Variants in HSBP1 observed in about 807,000 individuals in gnomAD.
HSBP1 encodes heat shock factor-binding protein 1.
A neutral mutation model predicts 9.6 loss-of-function variants in HSBP1; 5 were observed. The ratio of observed to expected loss-of-function variants is 0.52; its 90% CI spans 0.27 to 1.09. HSBP1 has a LOEUF of 1.09. Ranked by LOEUF, HSBP1 falls within the 50% of genes least tolerant of loss-of-function variation. The pLI, the probability that HSBP1 is intolerant of heterozygous loss-of-function variation, is 0.11. For missense variants in HSBP1, 121 were observed against 96.3 expected (o/e 1.26, Z -1.07); for synonymous variants, 42 against 33.3 (o/e 1.26, Z -0.90).
Position 83,809,437 on chromosome 16 carries a change from G to A in HSBP1, c.*2+12G>A, listed in dbSNP as rs1448765861. ...CAAAAGAGTTGAAGGTGAGGAAGGG[G>A]GCAATTTTTTTTTTCTTTTCTTTTC... On this transcript the variant is annotated intron_variant, in intron 3 of 3. Coordinates refer to ENST00000433866, the MANE Select transcript of HSBP1 (RefSeq NM_001537.4). 6 of 1,349,982 alleles carry A rather than the reference G, an allele frequency of 4.4e-6. No individual in the cohort carries two copies. The Admixed American group carries it at 1.3e-4, about 29-fold the overall frequency. 83.6% of individuals were successfully genotyped at this position (1,349,982 alleles called of 1,614,324 possible).
Position 83,811,978 on chromosome 16 carries a change from A to G in HSBP1, c.*560A>G, listed in dbSNP as rs1904611159. ...CTGCTCTGTTGCCAAAACTCAGAATAGAACTTAGACGTATGTCTGAGTCCC... is the reference window on the plus strand; with the variant it reads ...CTGCTCTGTTGCCAAAACTCAGAATGGAACTTAGACGTATGTCTGAGTCCC... On this transcript the variant is annotated 3_prime_UTR_variant, in exon 4 of 4. Transcript: ENST00000433866. The G allele has an allele frequency of 6.5e-6, 1 of 152,694 alleles. No homozygotes were observed. Among genetic ancestry groups the G allele is most frequent in the African/African-American group, 2.4e-5 (1 of 41,476 alleles). The allele number at this position is 152,694 out of a possible 1,614,324, so 9.5% of individuals were successfully genotyped here.
Position 83,813,437 on chromosome 16 carries a change from A to C in HSBP1, c.*2019A>C, listed in dbSNP as rs549173142. On this transcript the variant is annotated 3_prime_UTR_variant, in exon 4 of 4. Coordinates refer to ENST00000433866, the MANE Select transcript of HSBP1 (RefSeq NM_001537.4). ...CAGTCATAGCTCACTTGGAGCCTGA[A>C]GCTCCTGGGCTCAGGCAGTCCTCCT... The C allele has an allele frequency of 6.6e-6, 1 of 152,454 alleles. No individual in the cohort carries two copies. The highest frequency in any genetic ancestry group is 1.5e-5 in the Non-Finnish European group (1 of 68,208). The allele number at this position is 152,454 out of a possible 1,614,324, so 9.4% of individuals were successfully genotyped here.
chr16:83,819,106 T>G lies in HSBP1; in HGVS notation c.*7688T>G, dbSNP rs1904783501. On this transcript the variant is annotated 3_prime_UTR_variant, in exon 4 of 4. Coordinates refer to ENST00000433866, the MANE Select transcript of HSBP1 (RefSeq NM_001537.4). ...GGGCATCAACCTTGGGGCGAGGGTG[T>G]TGGGTTGCCCAACACCCTTTAGTCT... The G allele has an allele frequency of 6.6e-6, 1 of 151,818 alleles. No individual in the cohort carries two copies. The highest frequency in any genetic ancestry group is 6.6e-5 in the Admixed American group (1 of 15,266). The allele number at this position is 151,818 out of a possible 1,614,324, so 9.4% of individuals were successfully genotyped here.
In HSBP1 at chr16:83,818,231, A is replaced by C. The variant is rs1240221943; in HGVS notation, c.*6813A>C. On this transcript the variant is annotated 3_prime_UTR_variant, in exon 4 of 4. Coordinates refer to ENST00000433866, the MANE Select transcript of HSBP1 (RefSeq NM_001537.4). Reference sequence around the variant, plus strand: ...AGCATCCTCAGAAGGAGATGCGAGGAAGATTCTTTTCCTGGGCCACTCTCA... The same window carrying C: ...AGCATCCTCAGAAGGAGATGCGAGGCAGATTCTTTTCCTGGGCCACTCTCA... 1 of 152,130 alleles carries C rather than the reference A, an allele frequency of 6.6e-6. No individual in the cohort carries two copies. The highest frequency in any genetic ancestry group is 1.5e-5 in the Non-Finnish European group (1 of 68,030). The allele number at this position is 152,130 out of a possible 1,614,324, so 9.4% of individuals were successfully genotyped here.
At chr16:83,809,034 C>A in intron 2 of HSBP1, 1 of 552,694 alleles carries the variant, frequency 1.8e-6, no homozygotes, top group East Asian at 2.9e-5. Context: ...CTCAGCATGA[C>A]CTTATGAGTG....
rs77129424 is a variant in HSBP1 at position 83,813,300 on chromosome 16, A to G, written c.*1882A>G. 0.017 allele frequency: 2,568 copies of G among 152,366 alleles called. 35 individuals are homozygous for G. Among genetic ancestry groups the G allele is most frequent in the Non-Finnish European group, 0.022 (1,528 of 68,058 alleles). The allele number at this position is 152,366 out of a possible 1,614,324, so 9.4% of individuals were successfully genotyped here. A position where few individuals can be genotyped will look rare whatever the true frequency, so the allele number is the denominator to read the frequency against. The stretch of plus-strand genomic sequence containing the variant: ...AGACGACATTCTGTGAACCTCATGA[A>G]GAAATTAGCATATTAAAGACTCTGA... On this transcript the variant is annotated 3_prime_UTR_variant, in exon 4 of 4. Transcript: ENST00000433866.
In HSBP1 at chr16:83,817,782, A is replaced by C. The variant is rs889843368; in HGVS notation, c.*6364A>C. The C allele has an allele frequency of 6.6e-6, 1 of 152,232 alleles. No homozygotes were observed. Among genetic ancestry groups the C allele is most frequent in the Admixed American group, 6.5e-5 (1 of 15,288 alleles). 9.4% of individuals were successfully genotyped at this position (152,232 alleles called of 1,614,324 possible). On this transcript the variant is annotated 3_prime_UTR_variant, in exon 4 of 4. Transcript: ENST00000433866. ...GTAAATAATATGGCTGTTTCTTTTA[A>C]CAGTGCATTCTCCTGAAAACATAAG...
chr16:83,815,651 T>C lies in HSBP1; in HGVS notation c.*4233T>C, dbSNP rs1392135552. The C allele has an allele frequency of 6.6e-6, 1 of 152,100 alleles. No homozygotes were observed. Among genetic ancestry groups the C allele is most frequent in the Non-Finnish European group, 1.5e-5 (1 of 68,010 alleles). 9.4% of individuals were successfully genotyped at this position (152,100 alleles called of 1,614,324 possible). A position where few individuals can be genotyped will look rare whatever the true frequency, so the allele number is the denominator to read the frequency against. On this transcript the variant is annotated 3_prime_UTR_variant, in exon 4 of 4. Coordinates refer to ENST00000433866, the MANE Select transcript of HSBP1 (RefSeq NM_001537.4). ...CTGTACAACATCAGCCTCTGTGGGATCCCTGAGAATGATGAAATGTAATAT... is the reference window on the plus strand; with the variant it reads ...CTGTACAACATCAGCCTCTGTGGGACCCCTGAGAATGATGAAATGTAATAT...
rs905354461 is a variant in HSBP1, at chr16:83,808,115, C to T, written c.39C>T (p.Thr13=). The T allele has an allele frequency of 1.3e-6, 2 of 1,546,810 alleles. No individual in the cohort carries two copies. Among genetic ancestry groups the T allele is most frequent in the South Asian group, 1.2e-5 (1 of 84,014 alleles). Residue 13 remains threonine, a synonymous_variant, in exon 1 of 4, where the codon ACC becomes ACT. Coordinates refer to ENST00000433866, the MANE Select transcript of HSBP1 (RefSeq NM_001537.4). The part of the protein sequence containing the change: ...ETDPKTVQDL[T]SVVQTLLQQM... The stretch of plus-strand genomic sequence containing the variant: ...ACCCCAAGACCGTGCAGGACCTCAC[C>T]TCGGTGGTAAGGGACGGCTGTGAGG...
chr16:83,814,973 G>C lies in HSBP1; in HGVS notation c.*3555G>C, dbSNP rs1904686127. ...AAAAGACACCCCCCCGCCACTCCGT[G>C]ACCTATTAGCTTACCATCCTATTGG... On this transcript the variant is annotated 3_prime_UTR_variant, in exon 4 of 4. Transcript: ENST00000433866. 1 of 152,062 alleles carries C rather than the reference G, an allele frequency of 6.6e-6. No homozygotes were observed. The highest frequency in any genetic ancestry group is 2.4e-5 in the African/African-American group (1 of 41,408). The allele number at this position is 152,062 out of a possible 1,614,324, so 9.4% of individuals were successfully genotyped here.
At position 83,818,233 on chromosome 16, in the gene HSBP1, G is replaced by C. The variant is rs1340302860; in HGVS notation, c.*6815G>C. 1 of 152,180 alleles carries C rather than the reference G, an allele frequency of 6.6e-6. No homozygotes were observed. Among genetic ancestry groups the C allele is most frequent in the Non-Finnish European group, 1.5e-5 (1 of 68,042 alleles). 9.4% of individuals were successfully genotyped at this position (152,180 alleles called of 1,614,324 possible). ...CATCCTCAGAAGGAGATGCGAGGAA[G>C]ATTCTTTTCCTGGGCCACTCTCATT... On this transcript the variant is annotated 3_prime_UTR_variant, in exon 4 of 4. Coordinates refer to ENST00000433866, the MANE Select transcript of HSBP1 (RefSeq NM_001537.4).
Position 83,808,780 on chromosome 16 carries a change from G to A in HSBP1, c.112+34G>A, listed in dbSNP as rs749117599. On this transcript the variant is annotated intron_variant, in intron 2 of 3. Coordinates refer to ENST00000433866, the MANE Select transcript of HSBP1 (RefSeq NM_001537.4). Reference sequence around the variant, plus strand: ...TTTATCTGCAGTCGGCCTCCTGTGGGCCTTTGGAGCCTATTTGCCGGGCAG... The same window carrying A: ...TTTATCTGCAGTCGGCCTCCTGTGGACCTTTGGAGCCTATTTGCCGGGCAG... 4.0e-6 allele frequency: 6 copies of A among 1,509,078 alleles called. No individual in the cohort carries two copies. The East Asian group carries it at 1.4e-4, about 35-fold the overall frequency. The allele number at this position is 1,509,078 out of a possible 1,614,324, so 93.5% of individuals were successfully genotyped here. A position where few individuals can be genotyped will look rare whatever the true frequency, so the allele number is the denominator to read the frequency against.
chr16:83,810,413 A>C (rs563996774), intron 3 of HSBP1, among the ~76,000 whole-genome samples: 1 of 151,704 alleles, frequency 6.6e-6, no homozygotes, highest in East Asian at 1.9e-4. Flanking sequence ...TGTTTCATTT[A>C]TAACATTTTA....
chr16:83,812,108 T>C lies in HSBP1; in HGVS notation c.*690T>C, dbSNP rs1904613777. On this transcript the variant is annotated 3_prime_UTR_variant, in exon 4 of 4. Transcript: ENST00000433866. ...AGAATAGCCTTCTGTAATGAGGCGT[T>C]TGTTAGAGTTTTGCATGAGATTCTA... 2.0e-5 allele frequency: 3 copies of C among 152,646 alleles called. No individual in the cohort carries two copies. Among genetic ancestry groups the C allele is most frequent in the African/African-American group, 7.2e-5 (3 of 41,472 alleles). The allele number at this position is 152,646 out of a possible 1,614,324, so 9.5% of individuals were successfully genotyped here. A position where few individuals can be genotyped will look rare whatever the true frequency, so the allele number is the denominator to read the frequency against.
At position 83,819,021 on chromosome 16, in the gene HSBP1, G is replaced by C. The variant is rs1904781466; in HGVS notation, c.*7603G>C. On this transcript the variant is annotated 3_prime_UTR_variant, in exon 4 of 4. Coordinates refer to ENST00000433866, the MANE Select transcript of HSBP1 (RefSeq NM_001537.4). ...TCAGAGACCCTGGGAGGGAGGTCCAGCAGCCTGGGTTTTAACACATCCTCC... is the reference window on the plus strand; with the variant it reads ...TCAGAGACCCTGGGAGGGAGGTCCACCAGCCTGGGTTTTAACACATCCTCC... The C allele has an allele frequency of 6.6e-6, 1 of 152,162 alleles. No homozygotes were observed. Among genetic ancestry groups the C allele is most frequent in the Admixed American group, 6.5e-5 (1 of 15,272 alleles). 9.4% of individuals were successfully genotyped at this position (152,162 alleles called of 1,614,324 possible).
At position 83,811,737 on chromosome 16, in the gene HSBP1, T is replaced by A. The variant is rs1448101265; in HGVS notation, c.*319T>A. On this transcript the variant is annotated 3_prime_UTR_variant, in exon 4 of 4. Transcript: ENST00000433866. ...TTCTTGTCATTCCTTTTGTAGTAGTTGCTGTTTGGATAAAAGTTGATGTGT... is the reference window on the plus strand; with the variant it reads ...TTCTTGTCATTCCTTTTGTAGTAGTAGCTGTTTGGATAAAAGTTGATGTGT... 1 of 152,224 alleles carries A rather than the reference T, an allele frequency of 6.6e-6. No homozygotes were observed. Among genetic ancestry groups the A allele is most frequent in the Non-Finnish European group, 1.5e-5 (1 of 68,038 alleles). The allele number at this position is 152,224 out of a possible 1,614,324, so 9.4% of individuals were successfully genotyped here. A position where few individuals can be genotyped will look rare whatever the true frequency, so the allele number is the denominator to read the frequency against.
rs1048923077 is a variant in HSBP1 at position 83,819,554 on chromosome 16, C to G, written c.*8136C>G. On this transcript the variant is annotated 3_prime_UTR_variant, in exon 4 of 4. Transcript: ENST00000433866. ...TGAATCACTTTAAAGCAATTTGCTT[C>G]TTATTAAAATGTACTTCAGTAAAAA... The G allele has an allele frequency of 6.6e-6, 1 of 152,134 alleles. No homozygotes were observed. The highest frequency in any genetic ancestry group is 2.4e-5 in the African/African-American group (1 of 41,418). 9.4% of individuals were successfully genotyped at this position (152,134 alleles called of 1,614,324 possible). A position where few individuals can be genotyped will look rare whatever the true frequency, so the allele number is the denominator to read the frequency against.
rs905365655 is a variant in HSBP1, at chr16:83,808,280, C to A, written c.45+159C>A. ...GCCGAGGCTCCCGGCCACCTTGACC[C>A]CCGGGGCGCTCGGTGCGGGCCAGTC... On this transcript the variant is annotated intron_variant, in intron 1 of 3. Coordinates refer to ENST00000433866, the MANE Select transcript of HSBP1 (RefSeq NM_001537.4). 3 of 648,034 alleles carry A rather than the reference C, an allele frequency of 4.6e-6. No homozygotes were observed. The Admixed American group carries it at 1.1e-4, about 24-fold the overall frequency. The allele number at this position is 648,034 out of a possible 1,614,324, so 40.1% of individuals were successfully genotyped here. A position where few individuals can be genotyped will look rare whatever the true frequency, so the allele number is the denominator to read the frequency against.
chr16:83,818,448 A>G lies in HSBP1; in HGVS notation c.*7030A>G, dbSNP rs190633505. On this transcript the variant is annotated 3_prime_UTR_variant, in exon 4 of 4. Transcript: ENST00000433866. ...TCAAGCTGACTTGTATTCCAGAACA[A>G]TTGTGGACAAGATTTGCTAGTAATG... The G allele has an allele frequency of 6.6e-6, 1 of 152,214 alleles. No homozygotes were observed. The highest frequency in any genetic ancestry group is 1.5e-5 in the Non-Finnish European group (1 of 68,046). The allele number at this position is 152,214 out of a possible 1,614,324, so 9.4% of individuals were successfully genotyped here. A position where few individuals can be genotyped will look rare whatever the true frequency, so the allele number is the denominator to read the frequency against.
Sources: gnomAD v4.1 joint callset for allele counts (sites outside exome capture counted in the v4.1 genomes callset) on GRCh38, gnomAD v4.1.1 for gene constraint, MANE v1.5 for transcripts, NCBI Gene and HGNC (gene_info 2026-07-23, HGNC 2026-07-21) for gene names.